Variants in CTIF observed in about 807,000 individuals in gnomAD.
The protein encoded by CTIF is cap binding complex dependent translation initiation factor, also known as CBP80/20-dependent translation initiation factor.
A neutral mutation model predicts 66.0 loss-of-function variants in CTIF; 21 were observed. The observed-to-expected ratio is 0.32, with a 90% CI of 0.23 to 0.46. CTIF has a LOEUF of 0.46. CTIF is among the 20% of genes least tolerant of loss of function. CTIF has a pLI of 1.00. For synonymous variants in CTIF, 345 were observed against 326.4 expected, an observed-to-expected ratio of 1.06 and a Z score of -0.62; for missense variants, 739 against 812.7, an observed-to-expected ratio of 0.91 and a Z score of 1.10.
At chr18:48,796,847 G>A (rs951872956) in intron 9 of CTIF, among the ~76,000 whole-genome samples, 1 of 152,192 alleles carries the variant, frequency 6.6e-6, no homozygotes, top group African/African-American at 2.4e-5. Flanking sequence ...CTTGTGTGAC[G>A]AGAATTGTTT....
chr18:48,785,019 T>C (rs192496608), intron 9 of CTIF, among the ~76,000 whole-genome samples: 1 of 152,364 alleles, frequency 6.6e-6, no homozygotes, highest in East Asian at 1.9e-4. Context: ...GCATGGAGTT[T>C]TGCACTCTGG....
At chr18:48,623,801 C>T (rs2090540834) in intron 2 of CTIF, among the ~76,000 whole-genome samples, 1 of 152,128 alleles carries the variant, frequency 6.6e-6, no homozygotes, top group Admixed American at 6.5e-5. Flanking sequence ...TGTTTGTACA[C>T]TTGTGTTCCT....
intron 9 of CTIF, among the ~76,000 whole-genome samples, chr18:48,790,987 C>A (rs1381010716): frequency 6.6e-6 from 1 of 152,206 alleles, no homozygotes; most frequent in Non-Finnish European, 1.5e-5. Flanking sequence ...CTTCTCACTC[C>A]ATCTTCTCAG....
chr18:48,704,138 T>C (rs2092120935), intron 6 of CTIF, among the ~76,000 whole-genome samples: 1 of 152,024 alleles, frequency 6.6e-6, no homozygotes, highest in African/African-American at 2.4e-5. Context: ...GGGAGAGAGC[T>C]CTCTGATGCT....
At chr18:48,553,636 ACTTT>A (rs939757062) in intron 1 of CTIF, among the ~76,000 whole-genome samples, 1 of 150,252 alleles carries the variant, frequency 6.7e-6, no homozygotes, top group African/African-American at 2.5e-5. Flanking sequence ...AGGTTGAGTG[ACTTT>A]CTTTTTCTTT....
intron 1 of CTIF, among the ~76,000 whole-genome samples, chr18:48,559,256 C>A (rs2089095169): frequency 6.6e-6 from 1 of 151,844 alleles, no homozygotes; most frequent in African/African-American, 2.4e-5. Flanking sequence ...GCCCTACCTT[C>A]AGACCATCCT....
intron 1 of CTIF, among the ~76,000 whole-genome samples, chr18:48,614,507 C>T (rs911279700): frequency 6.7e-6 from 1 of 150,366 alleles, no homozygotes; most frequent in Non-Finnish European, 1.5e-5. Context: ...ATGCAGTGTA[C>T]TATTGTGATA....
chr18:48,562,475 G>T (rs963080050), intron 1 of CTIF, among the ~76,000 whole-genome samples: 15 of 152,194 alleles, frequency 9.9e-5, no homozygotes, highest in African/African-American at 3.6e-4. Flanking sequence ...AACTAGAACT[G>T]ATGTGGCATG....
intron 1 of CTIF, among the ~76,000 whole-genome samples, chr18:48,577,552 T>A (rs2089560867): frequency 2.0e-5 from 3 of 151,370 alleles, no homozygotes; most frequent in Admixed American, 2.0e-4. Flanking sequence ...CCTTTTGAAG[T>A]GGATTTTTTT....
At chr18:48,542,912 C>T (rs557932753) in intron 1 of CTIF, among the ~76,000 whole-genome samples, 10 of 152,154 alleles carry the variant, frequency 6.6e-5, no homozygotes, top group South Asian at 4.1e-4. Flanking sequence ...AGGTTTCTGG[C>T]GACACGGAGC....
At chr18:48,763,376 CA>C (rs1207401358) in intron 9 of CTIF, among the ~76,000 whole-genome samples, 1 of 152,222 alleles carries the variant, frequency 6.6e-6, no homozygotes, top group African/African-American at 2.4e-5. Flanking sequence ...GCCTCACCCA[CA>C]AGTGTCCAGC....
At chr18:48,604,297 C>T (rs2090163820) in intron 1 of CTIF, among the ~76,000 whole-genome samples, 1 of 149,350 alleles carries the variant, frequency 6.7e-6, no homozygotes, top group South Asian at 2.1e-4. Flanking sequence ...CTGCCTCAGC[C>T]TCCCGATTAG....
intron 9 of CTIF, among the ~76,000 whole-genome samples, chr18:48,798,935 G>A (rs770124517): frequency 2.0e-5 from 3 of 152,182 alleles, no homozygotes; most frequent in Non-Finnish European, 4.4e-5. Flanking sequence ...TGAGCCGACC[G>A]AAAATGTCAG....
intron 10 of CTIF, among the ~76,000 whole-genome samples, chr18:48,855,055 G>A (rs942633893): frequency 6.6e-6 from 1 of 152,262 alleles, no homozygotes; most frequent in African/African-American, 2.4e-5. Flanking sequence ...GGCCTGGTCT[G>A]TCTTGTTCTC....
At chr18:48,766,130 A>G (rs1909514497) in intron 9 of CTIF, among the ~76,000 whole-genome samples, 1 of 124,870 alleles carries the variant, frequency 8.0e-6, no homozygotes. Context: ...CAAAACAGAC[A>G]TTTCTTAATG....
At chr18:48,584,214 A>G (rs2089720786) in intron 1 of CTIF, among the ~76,000 whole-genome samples, 1 of 152,194 alleles carries the variant, frequency 6.6e-6, no homozygotes, top group Admixed American at 6.5e-5. Flanking sequence ...GCGACTGTAT[A>G]TGATCACCCT....
chr18:48,695,263 A>G (rs575369118), intron 6 of CTIF, among the ~76,000 whole-genome samples: 1 of 152,358 alleles, frequency 6.6e-6, no homozygotes, highest in South Asian at 2.1e-4. Flanking sequence ...TAGCTTGTTT[A>G]AAGCCACATT....
intron 6 of CTIF, among the ~76,000 whole-genome samples, chr18:48,682,617 T>C (rs1476782151): frequency 2.0e-5 from 3 of 152,244 alleles, no homozygotes; most frequent in Non-Finnish European, 2.9e-5. Flanking sequence ...TTCTATCTGC[T>C]GCTGAGATTT....
chr18:48,717,399 T>A (rs2092291716), intron 7 of CTIF, among the ~76,000 whole-genome samples: 2 of 138,842 alleles, frequency 1.4e-5, no homozygotes, highest in African/African-American at 2.8e-5. Flanking sequence ...AATCTGTCTT[T>A]AAAAAATAAA....
Sources: gnomAD v4.1 joint callset for allele counts (sites outside exome capture counted in the v4.1 genomes callset) on GRCh38, gnomAD v4.1.1 for gene constraint, MANE v1.5 for transcripts, NCBI Gene and HGNC (gene_info 2026-07-23, HGNC 2026-07-21) for gene names.